The following MSMO1 variants were observed in gnomAD, a reference collection of about 807,000 sequenced individuals.
MSMO1 encodes the protein methylsterol monooxygenase 1, also known as C-4 methylsterol oxidase.
A neutral mutation model predicts 30.4 loss-of-function variants in MSMO1; 18 were observed. The observed-to-expected ratio is 0.59, with a 90% CI of 0.41 to 0.88. The LOEUF is 0.88. Among genes scored for constraint, MSMO1 ranks in the 40% least tolerant of loss-of-function variants. The pLI is 0.00. For synonymous variants in MSMO1, 84 were observed against 107.9 expected, an observed-to-expected ratio of 0.78 and a Z score of 1.37; for missense variants, 284 against 340.5, an observed-to-expected ratio of 0.83 and a Z score of 1.31.
At chr4:165,336,100 G>C (rs113903759) in intron 2 of MSMO1, among the ~76,000 whole-genome samples, 5,372 of 152,146 alleles carry the variant, frequency 0.035, 303 homozygotes, top group African/African-American at 0.12. Context: ...GTTGGTGGTG[G>C]TGATGAAATA....
intron 1 of MSMO1, among the ~76,000 whole-genome samples, chr4:165,331,046 A>G (rs546701041): frequency 1.3e-5 from 2 of 152,262 alleles, no homozygotes; most frequent in African/African-American, 4.8e-5. Context: ...GCTCACACCT[A>G]TAATCCCCAC....
chr4:165,341,899 A>G lies in MSMO1; in HGVS notation c.835A>G (p.Asn279Asp). The change falls in exon 6 of 6, where the codon AAT (asparagine) becomes GAT (aspartate). Residue 279 changes from asparagine to aspartate, a missense_variant. Asn to Asp is a conservative substitution (Grantham distance 23). Coordinates refer to ENST00000261507, the MANE Select transcript of MSMO1 (RefSeq NM_006745.5). ...DRIFGTDSQY[N>D]AYNEKRKKFE... is the part of the protein sequence containing the mutation. ...AATTTTTGGAACAGACTCTCAGTAT[A>G]ATGCCTATAATGAAAAGAGGAAGAA... 1 of 1,613,040 alleles carries G rather than the reference A, an allele frequency of 6.2e-7. No homozygotes were observed. Among genetic ancestry groups the G allele is most frequent in the East Asian group, 2.2e-5 (1 of 44,788 alleles).
rs887162069 is a variant in MSMO1 at position 165,338,793 on chromosome 4, TATTTA to T, written c.531+19_531+23del. The stretch of plus-strand genomic sequence containing the variant: ...ATGAGTTTCAGGTATGTGAGAGTTA[TATTTA>T]ATTCTTTCTGTTAGAGGCAAAATGT... On this transcript the variant is annotated intron_variant, in intron 4 of 5. Transcript: ENST00000261507. 4 of 1,567,708 alleles carry T rather than the reference TATTTA, an allele frequency of 2.6e-6. No individual in the cohort carries two copies. The African/African-American group carries it at 4.1e-5, about 16-fold the overall frequency.
chr4:165,336,082 TAGA>T (rs1267151806), intron 2 of MSMO1, among the ~76,000 whole-genome samples: 2 of 152,186 alleles, frequency 1.3e-5, no homozygotes, highest in African/African-American at 4.8e-5. Context: ...TCGAAAAGAA[TAGA>T]AGAAGTTGGT....
intron 1 of MSMO1, among the ~76,000 whole-genome samples, chr4:165,329,320 A>G (rs1747322703): frequency 6.6e-6 from 1 of 151,936 alleles, no homozygotes; most frequent in Admixed American, 6.6e-5. Flanking sequence ...TTTAGATAGC[A>G]CCTTTCTCTA....
chr4:165,341,488 T>C (rs1747713845), intron 5 of MSMO1, among the ~76,000 whole-genome samples: 1 of 152,182 alleles, frequency 6.6e-6, no homozygotes, highest in African/African-American at 2.4e-5. Flanking sequence ...TTCATTACTA[T>C]AATCCGTCTC....
Position 165,333,562 on chromosome 4 carries a change from A to G in MSMO1, c.192A>G (p.Leu64=), listed in dbSNP as rs759942044. The change falls in exon 2 of 6, where the codon TTA becomes TTG. Residue 64 remains leucine, a synonymous_variant. Coordinates refer to ENST00000261507, the MANE Select transcript of MSMO1 (RefSeq NM_006745.5). ...TAGTTCATGAAGCCCTTTATTTCTT[A>G]TTCTGTTTACCTGGATTTTTATTTC... The part of the protein sequence containing the change: ...SLIVHEALYF[L]FCLPGFLFQF... 3.1e-6 allele frequency: 5 copies of G among 1,607,592 alleles called. No individual in the cohort carries two copies. Among genetic ancestry groups the G allele is most frequent in the Middle Eastern group, 1.7e-4 (1 of 6,030 alleles).
chr4:165,336,243 A>AAC (rs1259480518), intron 2 of MSMO1, among the ~76,000 whole-genome samples: 1 of 151,988 alleles, frequency 6.6e-6, no homozygotes. Flanking sequence ...TTTAAAAAAA[A>AAC]AAAAAACATA....
At chr4:165,332,663 T>C (rs1019919003) in intron 1 of MSMO1, among the ~76,000 whole-genome samples, 5 of 152,234 alleles carry the variant, frequency 3.3e-5, no homozygotes, top group Non-Finnish European at 7.3e-5. Context: ...AAAGATTTGC[T>C]ACTCAGGCTA....
chr4:165,330,510 T>C (rs1212558092), intron 1 of MSMO1, among the ~76,000 whole-genome samples: 2 of 152,238 alleles, frequency 1.3e-5, no homozygotes, highest in Non-Finnish European at 1.5e-5. Flanking sequence ...TTACCTAATT[T>C]GCCCAAGGTC....
At chr4:165,339,200 G>C (rs1560850668) in intron 4 of MSMO1, among the ~76,000 whole-genome samples, 1 of 144,946 alleles carries the variant, frequency 6.9e-6, no homozygotes, top group Non-Finnish European at 1.5e-5. Flanking sequence ...CACCTCCTGG[G>C]TTCAAGCAAT....
At chr4:165,336,791 T>A (rs17488569) in intron 2 of MSMO1, among the ~76,000 whole-genome samples, 35,164 of 152,208 alleles carry the variant, frequency 0.23, 5,097 homozygotes, top group Non-Finnish European at 0.33. Flanking sequence ...AGTCTCTGGA[T>A]TGATTCTTAG....
chr4:165,339,891 G>A (rs1004689448), intron 4 of MSMO1, among the ~76,000 whole-genome samples: 1 of 152,146 alleles, frequency 6.6e-6, no homozygotes, highest in African/African-American at 2.4e-5. Context: ...AATTGTTGCA[G>A]CCTTGGGTCC....
At position 165,333,538 on chromosome 4, in the gene MSMO1, A is replaced by C; in HGVS notation, c.168A>C (p.Ile56=). 1 of 1,613,084 alleles carries C rather than the reference A, an allele frequency of 6.2e-7. No individual in the cohort carries two copies. The highest frequency in any genetic ancestry group is 8.5e-7 in the Non-Finnish European group (1 of 1,179,568). ...KFQIATWGSL[I]VHEALYFLFC... is the part of the protein sequence containing the mutation. Reference sequence around the variant, plus strand: ...AGATTGCAACATGGGGATCCCTTATAGTTCATGAAGCCCTTTATTTCTTAT... The same window carrying C: ...AGATTGCAACATGGGGATCCCTTATCGTTCATGAAGCCCTTTATTTCTTAT... The change falls in exon 2 of 6, where the codon ATA becomes ATC. Residue 56 remains isoleucine, a synonymous_variant. Coordinates refer to ENST00000261507, the MANE Select transcript of MSMO1 (RefSeq NM_006745.5).
chr4:165,330,128 G>A (rs566968882), intron 1 of MSMO1, among the ~76,000 whole-genome samples: 4 of 152,202 alleles, frequency 2.6e-5, no homozygotes, highest in Non-Finnish European at 5.9e-5. Context: ...TATAATTATA[G>A]TGTAATATAA....
At chr4:165,339,483 A>G (rs1747658621) in intron 4 of MSMO1, among the ~76,000 whole-genome samples, 1 of 152,184 alleles carries the variant, frequency 6.6e-6, no homozygotes, top group South Asian at 2.1e-4. Context: ...ATGGTGTGCC[A>G]AATCAAGCCT....
At chr4:165,338,829 T>A in intron 4 of MSMO1, 51 bp downstream of exon 4, 1 of 1,453,452 alleles carries the variant, frequency 6.9e-7, no homozygotes, top group South Asian at 1.2e-5. Context: ...AATGTCTATT[T>A]TAATTGCCTG....
intron 1 of MSMO1, among the ~76,000 whole-genome samples, chr4:165,330,279 C>T (rs991709823): frequency 1.3e-5 from 2 of 152,214 alleles, no homozygotes; most frequent in African/African-American, 4.8e-5. Context: ...ATACCTACCT[C>T]ACGAAGGTGT....
chr4:165,338,730 C>G lies in MSMO1; in HGVS notation c.483C>G (p.His161Gln). The change falls in exon 4 of 6, where the codon CAC becomes CAG. Residue 161 changes from histidine (H) to glutamine (Q), a missense_variant. His to Gln is a conservative substitution (Grantham distance 24). Coordinates refer to ENST00000261507, the MANE Select transcript of MSMO1 (RefSeq NM_006745.5). The part of the protein sequence containing the change: ...TWHYFLHRLL[H>Q]HKRIYKYIHK... ...ACTATTTTCTGCATAGACTCTTACA[C>G]CACAAAAGAATATACAAGTATATTC... is the stretch of plus-strand genomic sequence containing the variant. The G allele has an allele frequency of 3.8e-6, 6 of 1,595,646 alleles. No homozygotes were observed. The highest frequency in any genetic ancestry group is 5.2e-6 in the Non-Finnish European group (6 of 1,163,428).
Sources: allele counts gnomAD v4.1 joint callset (sites outside exome capture counted in the v4.1 genomes callset), GRCh38; gene constraint gnomAD v4.1.1; transcripts MANE v1.5; gene names NCBI Gene and HGNC (gene_info 2026-07-23, HGNC 2026-07-21).